LUZP2: variants seen among roughly 807,000 people sequenced by gnomAD.
LUZP2 encodes leucine zipper protein 2.
Under a neutral mutation model 51.6 loss-of-function variants are expected in LUZP2, and 52 were observed. The ratio of observed to expected loss-of-function variants is 1.01; its 90% CI spans 0.81 to 1.27. The LOEUF is 1.27. LUZP2 is among the 50% of genes most tolerant of loss of function. LUZP2 has a pLI of 0.00. For synonymous variants in LUZP2, 154 were observed against 137.3 expected (o/e 1.12, Z -0.85); for missense variants, 436 against 395.4 (o/e 1.10, Z -0.87).
At chr11:24,983,490 T>C (rs1856099781) in intron 9 of LUZP2, among the ~76,000 whole-genome samples, 197 bp downstream of exon 9, 1 of 151,756 alleles carries the variant, frequency 6.6e-6, no homozygotes, top group South Asian at 2.1e-4. Flanking sequence ...GAGCTTTTCT[T>C]TCATAGAGAG....
chr11:24,895,350 CT>C (rs899159539), intron 5 of LUZP2, among the ~76,000 whole-genome samples: 9 of 151,596 alleles, frequency 5.9e-5, no homozygotes, highest in African/African-American at 2.2e-4. Flanking sequence ...ACAAACAGAA[CT>C]TTTTTTTTAA....
intron 10 of LUZP2, among the ~76,000 whole-genome samples, chr11:25,050,365 A>G (rs946318946): frequency 1.6e-4 from 21 of 134,014 alleles, no homozygotes; most frequent in African/African-American, 4.9e-4. Context: ...GCAGTGGCAC[A>G]ATCTCGGCTC....
At chr11:24,926,168 T>C (rs780646211) in intron 7 of LUZP2, among the ~76,000 whole-genome samples, 13 of 150,426 alleles carry the variant, frequency 8.6e-5, no homozygotes, top group Non-Finnish European at 1.5e-4. Flanking sequence ...AATAAGTGCA[T>C]AAAGGCAATG....
intron 1 of LUZP2, among the ~76,000 whole-genome samples, chr11:24,677,647 TTTAAA>T (rs1156356945): frequency 6.6e-6 from 1 of 152,252 alleles, no homozygotes; most frequent in African/African-American, 2.4e-5. Context: ...ATTCATTTTC[TTTAAA>T]TTATTTATCA....
At chr11:24,612,166 T>C (rs920095855) in intron 1 of LUZP2, among the ~76,000 whole-genome samples, 1 of 152,116 alleles carries the variant, frequency 6.6e-6, no homozygotes, top group African/African-American at 2.4e-5. Flanking sequence ...GTAATGATCA[T>C]TTGGATGGCA....
chr11:24,686,223 C>CAAAAA (rs56907734), intron 1 of LUZP2, among the ~76,000 whole-genome samples: 1 of 148,318 alleles, frequency 6.7e-6, no homozygotes, highest in Non-Finnish European at 1.5e-5. Context: ...GTGAACTCTG[C>CAAAAA]AAAAAAAAAA....
intron 4 of LUZP2, among the ~76,000 whole-genome samples, chr11:24,752,830 A>C (rs1859643232): frequency 6.6e-6 from 1 of 152,146 alleles, no homozygotes; most frequent in South Asian, 2.1e-4. Flanking sequence ...ATGAGAAATT[A>C]AAATGGGTTA....
intron 5 of LUZP2, among the ~76,000 whole-genome samples, chr11:24,828,985 G>C (rs1850620237): frequency 6.6e-6 from 1 of 152,144 alleles, no homozygotes; most frequent in Non-Finnish European, 1.5e-5. Flanking sequence ...CAAGGACGTT[G>C]ATATGTCCTC....
chr11:24,950,825 A>T (rs1855054018), intron 7 of LUZP2, among the ~76,000 whole-genome samples: 1 of 151,594 alleles, frequency 6.6e-6, no homozygotes, highest in Non-Finnish European at 1.5e-5. Flanking sequence ...AGGAAATCTC[A>T]GTGAGGAATT....
chr11:25,025,355 A>G lies in LUZP2; in HGVS notation c.766-24683A>G, dbSNP rs558088870. ...AAAAGAAACTACCATCAGAGTGACA[A>G]GCAACCTACAGAATGGGAGAAAATT... is the stretch of plus-strand genomic sequence containing the variant. On this transcript the variant is annotated intron_variant, in intron 9 of 11. Coordinates refer to ENST00000336930, the MANE Select transcript of LUZP2 (RefSeq NM_001009909.4). Among the ~76,000 whole-genome samples the G allele has an allele frequency of 5.9e-5, 9 of 152,232 alleles. No homozygotes were observed. In the South Asian group the frequency reaches 1.9e-3, roughly 32 times the overall value.
chr11:24,645,086 A>C (rs1855424476), intron 1 of LUZP2, among the ~76,000 whole-genome samples: 2 of 152,282 alleles, frequency 1.3e-5, no homozygotes, highest in Admixed American at 1.3e-4. Context: ...TACGTAAAAT[A>C]TTAGTTATTG....
intron 1 of LUZP2, among the ~76,000 whole-genome samples, chr11:24,502,661 C>T (rs957711529): frequency 5.3e-5 from 8 of 152,274 alleles, no homozygotes; most frequent in African/African-American, 1.9e-4. Context: ...GCTGGGATTA[C>T]AGGCATGAGC....
At chr11:24,707,460 G>T (rs551337660) in intron 1 of LUZP2, among the ~76,000 whole-genome samples, 1 of 152,176 alleles carries the variant, frequency 6.6e-6, no homozygotes, top group South Asian at 2.1e-4. Context: ...AAAAAAATTA[G>T]GGGGTATTAA....
chr11:25,076,651 AAGGGAGGG>A (rs1554963747), intron 10 of LUZP2, among the ~76,000 whole-genome samples: 1 of 128,342 alleles, frequency 7.8e-6, no homozygotes, highest in Non-Finnish European at 1.6e-5. Context: ...AGAGGGAAGG[AAGGGAGGG>A]AGGGAAGGAG....
At chr11:24,558,970 G>A (rs897477098) in intron 1 of LUZP2, among the ~76,000 whole-genome samples, 1 of 152,084 alleles carries the variant, frequency 6.6e-6, no homozygotes, top group Non-Finnish European at 1.5e-5. Context: ...CAGCAGAAAT[G>A]GACTGAGACG....
At chr11:24,663,671 C>G (rs1325116844) in intron 1 of LUZP2, among the ~76,000 whole-genome samples, 1 of 152,130 alleles carries the variant, frequency 6.6e-6, no homozygotes, top group Non-Finnish European at 1.5e-5. Flanking sequence ...GTGTCCCCAT[C>G]CAAATCTCAA....
chr11:24,729,962 T>A (rs535398985), intron 2 of LUZP2, among the ~76,000 whole-genome samples: 1 of 151,872 alleles, frequency 6.6e-6, no homozygotes, highest in Non-Finnish European at 1.5e-5. Context: ...TATTTTTGAA[T>A]GTTACAAAAG....
Position 24,497,318 on chromosome 11 carries a change from G to T in LUZP2, c.62+13G>T. 6.6e-7 allele frequency: 1 copy of T among 1,525,828 alleles called. No homozygotes were observed. Among genetic ancestry groups the T allele is most frequent in the Non-Finnish European group, 8.8e-7 (1 of 1,130,508 alleles). The allele number at this position is 1,525,828 out of a possible 1,614,324, so 94.5% of individuals were successfully genotyped here. On this transcript the variant is annotated intron_variant, in intron 1 of 11. Coordinates refer to ENST00000336930, the MANE Select transcript of LUZP2 (RefSeq NM_001009909.4). The stretch of plus-strand genomic sequence containing the variant: ...TCCTCAGCACCAGGTGAGTCCAGGA[G>T]CGTGAGTGACCTGAGGCCAGGGGCG...
intron 10 of LUZP2, among the ~76,000 whole-genome samples, chr11:25,070,275 A>G (rs556624884): frequency 2.6e-5 from 4 of 151,994 alleles, no homozygotes; most frequent in Non-Finnish European, 5.9e-5. Context: ...AATATTAACC[A>G]TCCCCCAGAA....
Sources: gnomAD v4.1 joint callset for allele counts (sites outside exome capture counted in the v4.1 genomes callset) on GRCh38, gnomAD v4.1.1 for gene constraint, MANE v1.5 for transcripts, NCBI Gene and HGNC (gene_info 2026-07-23, HGNC 2026-07-21) for gene names.